The following ASTN2 variants were observed in gnomAD, a reference collection of about 807,000 sequenced individuals.
The protein encoded by ASTN2 is astrotactin-2.
Under a neutral mutation model 139.8 loss-of-function variants are expected in ASTN2, and 54 were observed. The ratio of observed to expected loss-of-function variants is 0.39; its 90% confidence interval spans 0.31 to 0.48. ASTN2 has a LOEUF of 0.48. ASTN2 is among the 20% of genes least tolerant of loss of function. ASTN2 has a pLI of 0.95. For missense variants in ASTN2, 1,565 were observed against 1,725.1 expected, an observed-to-expected ratio of 0.91 and a Z score of 1.64; for synonymous variants, 756 against 719.5, an observed-to-expected ratio of 1.05 and a Z score of -0.81.
At chr9:117,011,580 C>T (rs1414369407) in intron 6 of ASTN2, among the ~76,000 whole-genome samples, 1 of 152,208 alleles carries the variant, frequency 6.6e-6, no homozygotes, top group African/African-American at 2.4e-5. Context: ...GCAGTTTATC[C>T]TTAATGTCTT....
At chr9:116,509,965 A>G (rs190268035) in intron 19 of ASTN2, among the ~76,000 whole-genome samples, 6 of 152,022 alleles carry the variant, frequency 3.9e-5, no homozygotes, top group Non-Finnish European at 8.8e-5. Flanking sequence ...TTGTCTGTTC[A>G]CTCTGATGGT....
At chr9:116,517,988 C>G (rs1301966841) in intron 19 of ASTN2, among the ~76,000 whole-genome samples, 1 of 152,098 alleles carries the variant, frequency 6.6e-6, no homozygotes, top group African/African-American at 2.4e-5. Context: ...ATGAAAAAAG[C>G]CTCCAAGAAA....
At chr9:116,523,485 A>G (rs1317523859) in intron 19 of ASTN2, among the ~76,000 whole-genome samples, 1 of 152,286 alleles carries the variant, frequency 6.6e-6, no homozygotes, top group African/African-American at 2.4e-5. Flanking sequence ...GTGATCTTGA[A>G]TAGGTTACTA....
At position 116,423,975 on chromosome 9, in the gene ASTN2, T is replaced by C. The variant is rs376109585; in HGVS notation, c.*1876A>G. On this transcript the variant is annotated 3_prime_UTR_variant, in exon 23 of 23. Transcript: ENST00000313400. ...ATGTTTTATTGATATTCAGTATCTTTTCCTCTTCTGAAACCCCACAGTGCT... is the reference window on the plus strand; with the variant it reads ...ATGTTTTATTGATATTCAGTATCTTCTCCTCTTCTGAAACCCCACAGTGCT... 2.8e-4 allele frequency among the ~76,000 whole-genome samples: 43 copies of C among 152,186 alleles called. No individual in the cohort carries two copies. Among genetic ancestry groups the C allele is most frequent in the East Asian group, 1.9e-3 (10 of 5,198 alleles).
At chr9:117,244,746 A>AGGAGGGAG (rs557636353) in intron 2 of ASTN2, among the ~76,000 whole-genome samples, 1 of 105,850 alleles carries the variant, frequency 9.4e-6, no homozygotes, top group Non-Finnish European at 1.8e-5. Context: ...GAGGGAGGGA[A>AGGAGGGAG]GGAGGGAGGG....
chr9:117,098,149 C>T (rs551388722), intron 4 of ASTN2, among the ~76,000 whole-genome samples: 1 of 152,166 alleles, frequency 6.6e-6, no homozygotes, highest in Non-Finnish European at 1.5e-5. Flanking sequence ...CACTCATGAG[C>T]GAACCCTGAA....
chr9:116,619,569 G>A (rs1680862252), intron 18 of ASTN2, among the ~76,000 whole-genome samples: 1 of 151,930 alleles, frequency 6.6e-6, no homozygotes, highest in South Asian at 2.1e-4. Flanking sequence ...TGTCACCAGG[G>A]CTGTAGTGCA....
At chr9:117,395,133 T>C (rs1289006073) in intron 1 of ASTN2, among the ~76,000 whole-genome samples, 1 of 152,146 alleles carries the variant, frequency 6.6e-6, no homozygotes, top group Non-Finnish European at 1.5e-5. Flanking sequence ...TGAAGTCATT[T>C]CCTGAGCCAA....
At chr9:116,901,515 A>G (rs1834011164) in intron 10 of ASTN2, among the ~76,000 whole-genome samples, 2 of 152,220 alleles carry the variant, frequency 1.3e-5, no homozygotes, top group African/African-American at 4.8e-5. Flanking sequence ...ACATTGCGAC[A>G]GTCTGCATAA....
At chr9:116,535,086 T>G (rs146435479) in intron 19 of ASTN2, among the ~76,000 whole-genome samples, 5 of 152,342 alleles carry the variant, frequency 3.3e-5, no homozygotes, top group African/African-American at 7.2e-5. Flanking sequence ...TAGCTCTTCT[T>G]GTTGAATTGG....
intron 16 of ASTN2, among the ~76,000 whole-genome samples, chr9:116,691,717 C>T (rs1286491734): frequency 6.6e-6 from 1 of 152,140 alleles, no homozygotes; most frequent in African/African-American, 2.4e-5. Context: ...GAATCCTCTC[C>T]CACACACAGG....
chr9:117,066,109 C>T (rs1312066683), intron 5 of ASTN2, among the ~76,000 whole-genome samples: 1 of 144,518 alleles, frequency 6.9e-6, no homozygotes, highest in Non-Finnish European at 1.5e-5. Flanking sequence ...TGCTGGTGCA[C>T]TGCACCCACT....
intron 20 of ASTN2, among the ~76,000 whole-genome samples, chr9:116,454,454 T>G (rs1011735889): frequency 6.6e-6 from 1 of 152,062 alleles, no homozygotes; most frequent in Admixed American, 6.5e-5. Flanking sequence ...TTGGTGGGAC[T>G]GTAAACTAGT....
At chr9:116,742,909 C>T (rs1829131709) in intron 13 of ASTN2, among the ~76,000 whole-genome samples, 1 of 152,122 alleles carries the variant, frequency 6.6e-6, no homozygotes, top group Non-Finnish European at 1.5e-5. Flanking sequence ...GACCTAATGA[C>T]CTTGGACATT....
At chr9:117,099,719 A>G (rs779969918) in intron 4 of ASTN2, among the ~76,000 whole-genome samples, 11 of 152,370 alleles carry the variant, frequency 7.2e-5, no homozygotes, top group Admixed American at 6.5e-4. Context: ...GCTTGTAAGT[A>G]GCAGAACCAC....
intron 19 of ASTN2, among the ~76,000 whole-genome samples, chr9:116,512,269 C>A (rs893746063): frequency 4.6e-5 from 7 of 152,182 alleles, no homozygotes; most frequent in African/African-American, 1.4e-4. Context: ...ACCCAGTAGT[C>A]AGTCAGGAGC....
At chr9:117,254,762 G>T (rs1833637996) in intron 2 of ASTN2, among the ~76,000 whole-genome samples, 1 of 150,992 alleles carries the variant, frequency 6.6e-6, no homozygotes, top group South Asian at 2.1e-4. Flanking sequence ...TTCTATTTTG[G>T]TACATTCTGT....
rs145728860 is a variant in ASTN2 at position 116,699,272 on chromosome 9, A to G, written c.2806+26499T>C. ...CAGGGGTGGTCAAATACAGCTGCCT[A>G]TGTAGTGCTGTGCGGCCCAAATTTG... is the stretch of plus-strand genomic sequence containing the variant. On this transcript the variant is annotated intron_variant, in intron 16 of 22. Coordinates refer to ENST00000313400, the MANE Select transcript of ASTN2 (RefSeq NM_001365068.1). The surrounding 1 kb of genome is among the most constrained non-coding windows in gnomAD (Gnocchi z 4.2). 1.2e-5 allele frequency: 20 copies of G among 1,614,170 alleles called. No homozygotes were observed. Among genetic ancestry groups the G allele is most frequent in the Middle Eastern group, 1.6e-4 (1 of 6,062 alleles).
chr9:117,372,454 G>A (rs1830014261), intron 1 of ASTN2, among the ~76,000 whole-genome samples: 2 of 152,246 alleles, frequency 1.3e-5, no homozygotes, highest in South Asian at 2.1e-4. Flanking sequence ...ATAATCACAA[G>A]CTAGAATCCT....
Sources: gnomAD v4.1 joint callset for allele counts (sites outside exome capture counted in the v4.1 genomes callset) on GRCh38, gnomAD v4.1.1 for gene constraint, Gnocchi (gnomAD v3.1) non-coding constraint, MANE v1.5 for transcripts, NCBI Gene and HGNC (gene_info 2026-07-23, HGNC 2026-07-21) for gene names.